The following MEIS2 variants were observed in gnomAD, a reference collection of about 807,000 sequenced individuals.
MEIS2 encodes Meis homeobox 2.
A neutral mutation model predicts 58.6 loss-of-function variants in MEIS2; 9 were observed. The ratio of observed to expected loss-of-function variants is 0.15; its 90% CI spans 0.09 to 0.27. The LOEUF is 0.27. MEIS2 is among the 10% of genes least tolerant of loss of function. The pLI is 1.00. For synonymous variants in MEIS2, 221 were observed against 228.4 expected (o/e 0.97, Z 0.29); for missense variants, 427 against 635.0 (o/e 0.67, Z 3.52).
intron 7 of MEIS2, among the ~76,000 whole-genome samples, chr15:37,059,862 G>A (rs771175472): frequency 2.6e-5 from 4 of 152,198 alleles, no homozygotes; most frequent in East Asian, 1.9e-4. Context: ...AATCGCTTGC[G>A]CCTGGGAGGT....
intron 9 of MEIS2, among the ~76,000 whole-genome samples, chr15:36,941,948 CT>C (rs1470719761): frequency 6.6e-6 from 1 of 152,104 alleles, no homozygotes; most frequent in Non-Finnish European, 1.5e-5. Flanking sequence ...TATCTAAAGG[CT>C]TTAAGGAAGT....
At chr15:37,019,961 T>C (rs1005118196) in intron 8 of MEIS2, among the ~76,000 whole-genome samples, 1 of 152,126 alleles carries the variant, frequency 6.6e-6, no homozygotes, top group Admixed American at 6.6e-5. Context: ...TAATGTAAAG[T>C]GTGGCATGCC....
chr15:36,928,772 T>C (rs768028758), intron 9 of MEIS2, among the ~76,000 whole-genome samples: 5 of 152,192 alleles, frequency 3.3e-5, no homozygotes, highest in Middle Eastern at 3.2e-3. Context: ...ACACAGTCAA[T>C]ATTGTTTTTC....
At chr15:36,925,676 C>T (rs2057718985) in intron 9 of MEIS2, among the ~76,000 whole-genome samples, 1 of 152,244 alleles carries the variant, frequency 6.6e-6, no homozygotes, top group African/African-American at 2.4e-5. Flanking sequence ...TTATTTCTCT[C>T]ACAGCTCTTA....
At chr15:36,987,973 A>G (rs542897152) in intron 8 of MEIS2, among the ~76,000 whole-genome samples, 3 of 152,318 alleles carry the variant, frequency 2.0e-5, no homozygotes, top group South Asian at 4.1e-4. Context: ...ATGCTCATTC[A>G]TGTCACTGGA....
intron 6 of MEIS2, among the ~76,000 whole-genome samples, chr15:37,090,825 T>A (rs1397800860): frequency 6.6e-6 from 1 of 152,186 alleles, no homozygotes; most frequent in African/African-American, 2.4e-5. Context: ...CTTTTTTAGC[T>A]GTCATTATTC....
At chr15:37,067,596 T>TAAAGAAATTA (rs1555464495) in intron 7 of MEIS2, among the ~76,000 whole-genome samples, 1 of 144,720 alleles carries the variant, frequency 6.9e-6, no homozygotes, top group African/African-American at 2.5e-5. Flanking sequence ...AATCAGAAAT[T>TAAAGAAATTA]AAAAAAAAAA....
In MEIS2 at chr15:36,892,097, T is replaced by G; in HGVS notation, c.*76A>C. On this transcript the variant is annotated 3_prime_UTR_variant, in exon 12 of 12. Transcript: ENST00000561208. Reference sequence around the variant, plus strand: ...GCTGTCTGGAATTTCATATTAAGTGTCAACATCTGGTCAAAGTTCAGAAAG... The same window carrying G: ...GCTGTCTGGAATTTCATATTAAGTGGCAACATCTGGTCAAAGTTCAGAAAG... 1.0e-5 allele frequency: 15 copies of G among 1,473,846 alleles called. No homozygotes were observed. Among genetic ancestry groups the G allele is most frequent in the Non-Finnish European group, 7.5e-6 (8 of 1,064,072 alleles). 91.3% of individuals were successfully genotyped at this position (1,473,846 alleles called of 1,614,324 possible).
At chr15:37,028,205 T>C (rs2061775878) in intron 8 of MEIS2, among the ~76,000 whole-genome samples, 1 of 152,212 alleles carries the variant, frequency 6.6e-6, no homozygotes, top group Non-Finnish European at 1.5e-5. Context: ...TGATGTAATT[T>C]GAAATATCTT....
chr15:37,070,868 T>C (rs1051176538), intron 7 of MEIS2, among the ~76,000 whole-genome samples: 1 of 152,094 alleles, frequency 6.6e-6, no homozygotes, highest in Admixed American at 6.6e-5. Flanking sequence ...TGTCAAAGCT[T>C]TATTTTTTTT....
intron 8 of MEIS2, among the ~76,000 whole-genome samples, chr15:37,031,282 C>T (rs937709052): frequency 2.0e-5 from 3 of 152,092 alleles, no homozygotes; most frequent in Non-Finnish European, 4.4e-5. Flanking sequence ...CTCTTAACCT[C>T]GACATTGGAC....
chr15:37,057,529 T>C lies in MEIS2; in HGVS notation c.755-20570A>G, dbSNP rs28405117. ...TAAAGAACAATTCATACAAACTACA[T>C]TTTTCCCCCATTTTCTAAAGCGGCA... On this transcript the variant is annotated intron_variant, in intron 7 of 11. Transcript: ENST00000561208. Among the ~76,000 whole-genome samples the C allele has an allele frequency of 3.2e-3, 491 of 152,124 alleles. 4 individuals carry two copies. Among genetic ancestry groups the C allele is most frequent in the African/African-American group, 0.011 (467 of 41,512 alleles).
intron 7 of MEIS2, among the ~76,000 whole-genome samples, chr15:37,049,662 AT>A (rs1266438253): frequency 2.0e-5 from 3 of 151,236 alleles, no homozygotes; most frequent in Non-Finnish European, 2.9e-5. Context: ...AATTTTTTGT[AT>A]TTTTAGTACA....
At chr15:36,912,316 T>C (rs2057069917) in intron 9 of MEIS2, among the ~76,000 whole-genome samples, 1 of 152,228 alleles carries the variant, frequency 6.6e-6, no homozygotes, top group South Asian at 2.1e-4. Flanking sequence ...CTATCTCTTA[T>C]CTACTCCCCT....
At chr15:37,072,759 T>C (rs953581824) in intron 7 of MEIS2, among the ~76,000 whole-genome samples, 7 of 152,120 alleles carry the variant, frequency 4.6e-5, no homozygotes, top group African/African-American at 1.2e-4. Flanking sequence ...ACATGTGCCA[T>C]GTTGGTGTGC....
At chr15:37,004,627 G>C (rs2060851063) in intron 8 of MEIS2, among the ~76,000 whole-genome samples, 1 of 152,162 alleles carries the variant, frequency 6.6e-6, no homozygotes, top group South Asian at 2.1e-4. Context: ...CTGCCTCAAG[G>C]CCTGTCATTA....
Position 36,963,379 on chromosome 15 carries a change from C to CA in MEIS2, c.901-12980dup, listed in dbSNP as rs60924393. Among the ~76,000 whole-genome samples, 543 of 121,874 alleles carry CA rather than the reference C, an allele frequency of 4.5e-3. 3 individuals carry two copies. The highest frequency in any genetic ancestry group is 0.011 in the African/African-American group (358 of 32,842). 80.0% of individuals were successfully genotyped at this position (121,874 alleles called of 152,430 possible). A position where few individuals can be genotyped will look rare whatever the true frequency, so the allele number is the denominator to read the frequency against. ...CGGGTGACAGTGCGAGACTCCATCT[C>CA]AAAAAAAAAAAAAAAAGAGTGAAAC... On this transcript the variant is annotated intron_variant, in intron 8 of 11. Coordinates refer to ENST00000561208, the MANE Select transcript of MEIS2 (RefSeq NM_170675.5).
chr15:36,963,709 C>T (rs1011423574), intron 8 of MEIS2, among the ~76,000 whole-genome samples: 4 of 152,152 alleles, frequency 2.6e-5, no homozygotes, highest in Non-Finnish European at 4.4e-5. Context: ...TACAATTCTA[C>T]GAACATTGAT....
chr15:36,970,132 G>C (rs145761942), intron 8 of MEIS2, among the ~76,000 whole-genome samples: 2 of 152,138 alleles, frequency 1.3e-5, no homozygotes, highest in Non-Finnish European at 2.9e-5. Context: ...GGTCAGGCGC[G>C]GTGGCTCACG....
Sources: allele counts gnomAD v4.1 joint callset (sites outside exome capture counted in the v4.1 genomes callset), GRCh38; gene constraint gnomAD v4.1.1; transcripts MANE v1.5; gene names NCBI Gene and HGNC (gene_info 2026-07-23, HGNC 2026-07-21).